The following CEP104 variants were observed in gnomAD, a reference collection of about 807,000 sequenced individuals.
The protein encoded by CEP104 is centrosomal protein of 104 kDa.
CEP104 carries 84 observed loss-of-function variants against 113.3 expected under a neutral mutation model. That is an observed-to-expected ratio of 0.74 (90% confidence interval 0.62 to 0.89). The LOEUF (loss-of-function observed/expected upper bound fraction) is 0.89, where lower values mean the gene tolerates loss of function less well. Ranked by LOEUF, CEP104 falls within the 40% of genes least tolerant of loss-of-function variation. CEP104 has a pLI of 0.00. For missense variants in CEP104, 1,053 were observed against 1,156.6 expected (o/e 0.91, Z 1.30); for synonymous variants, 378 against 421.7 (o/e 0.90, Z 1.27).
rs555321293 is a variant in CEP104, at chr1:3,814,643, C to A, written c.*759G>T. ...AGTGAAGCGCCTCTGAGCAAAGGCA[C>A]GGGAAGGGCCCACACCTGTGTCTAC... On this transcript the variant is annotated 3_prime_UTR_variant, in exon 22 of 22. Transcript: ENST00000378230. 1 of 152,194 alleles carries A rather than the reference C, an allele frequency of 6.6e-6. No individual in the cohort carries two copies. Among genetic ancestry groups the A allele is most frequent in the Non-Finnish European group, 1.5e-5 (1 of 68,044 alleles). 9.4% of individuals were successfully genotyped at this position (152,194 alleles called of 1,614,324 possible).
chr1:3,817,354 C>T (rs954454630), intron 20 of CEP104, among the ~76,000 whole-genome samples: 3 of 152,222 alleles, frequency 2.0e-5, no homozygotes, highest in South Asian at 2.1e-4. Context: ...AAACAAACAA[C>T]GCTTCCCAGG....
chr1:3,813,175 GA>G lies in CEP104; in HGVS notation c.*2226del, dbSNP rs1167723126. 2.0e-5 allele frequency: 3 copies of G among 151,650 alleles called. No homozygotes were observed. In the East Asian group the frequency reaches 5.8e-4, roughly 29 times the overall value. The allele number at this position is 151,650 out of a possible 1,614,324, so 9.4% of individuals were successfully genotyped here. A position where few individuals can be genotyped will look rare whatever the true frequency, so the allele number is the denominator to read the frequency against. On this transcript the variant is annotated 3_prime_UTR_variant, in exon 22 of 22. Transcript: ENST00000378230. Reference sequence around the variant, plus strand: ...AATGGCCAACATCTCTTTAAAACCAGAAAAAATCATTTTACAGACATCTTGG... The same window carrying G: ...AATGGCCAACATCTCTTTAAAACCAGAAAAATCATTTTACAGACATCTTGG...
chr1:3,817,485 G>A (rs1557656356), intron 20 of CEP104, among the ~76,000 whole-genome samples: 1 of 151,964 alleles, frequency 6.6e-6, no homozygotes, highest in Non-Finnish European at 1.5e-5. Flanking sequence ...GGCCACCTGC[G>A]GCAGCCCTCA....
chr1:3,815,871 A>G (rs1474610218), intron 21 of CEP104, among the ~76,000 whole-genome samples: 1 of 152,054 alleles, frequency 6.6e-6, no homozygotes, highest in East Asian at 1.9e-4. Flanking sequence ...ATAGGGTTTC[A>G]CCATGTTGGC....
intron 12 of CEP104, among the ~76,000 whole-genome samples, chr1:3,832,987 C>CTTTGATTCT (rs1644245491): frequency 7.1e-6 from 1 of 140,242 alleles, no homozygotes; most frequent in African/African-American, 2.6e-5. Context: ...GGCCTGGATT[C>CTTTGATTCT]TTTTTTTTTT....
At chr1:3,855,923 G>A (rs562334833) in intron 1 of CEP104, 4 of 985,364 alleles carry the variant, frequency 4.1e-6, no homozygotes, top group East Asian at 1.1e-4. Context: ...TCGACATCCC[G>A]ACAAATGCCA....
intron 2 of CEP104, among the ~76,000 whole-genome samples, chr1:3,850,043 G>A (rs903829160): frequency 3.9e-5 from 6 of 152,206 alleles, no homozygotes; most frequent in Non-Finnish European, 1.5e-5. Context: ...GTACAGGTTT[G>A]CAGCCCAGGA....
intron 20 of CEP104, among the ~76,000 whole-genome samples, chr1:3,818,375 C>T (rs1643911985): frequency 6.6e-6 from 1 of 152,250 alleles, no homozygotes; most frequent in South Asian, 2.1e-4. Context: ...TCCACAGCTC[C>T]AGGCTAAGCT....
intron 6 of CEP104, among the ~76,000 whole-genome samples, chr1:3,841,485 C>T (rs568980096): frequency 6.6e-6 from 1 of 152,222 alleles, no homozygotes; most frequent in African/African-American, 2.4e-5. Flanking sequence ...AGTCACGTTG[C>T]CTTGCTGTCC....
At position 3,831,136 on chromosome 1, in the gene CEP104, GT is replaced by G. The variant is rs1211389550; in HGVS notation, c.1745del (p.His582ProfsTer4). On this transcript the variant is annotated frameshift_variant, in exon 13 of 22. Transcript: ENST00000378230. LOFTEE classifies it high-confidence loss of function. ...VQPLKANSSV[H>X]LAMSQMGLLA... is the part of the protein sequence containing the mutation. ...GGAGGCCCATCTGACTCATTGCCAG[GT>G]GAACTGAAGAGTTTGCTTTCAATGG... 9.3e-6 allele frequency: 15 copies of G among 1,614,234 alleles called. No individual in the cohort carries two copies. The highest frequency in any genetic ancestry group is 1.2e-5 in the Non-Finnish European group (14 of 1,180,026).
chr1:3,837,486 G>A lies in CEP104; in HGVS notation c.925C>T (p.Leu309Phe). 6.2e-7 allele frequency: 1 copy of A among 1,614,252 alleles called. No individual in the cohort carries two copies. The highest frequency in any genetic ancestry group is 8.5e-7 in the Non-Finnish European group (1 of 1,180,050). ...TGGCAAGGACTGCCAGAACGAGCGAGGGGCTGGAGGGGCAAATCAAAAGGT... is the reference window on the plus strand; with the variant it reads ...TGGCAAGGACTGCCAGAACGAGCGAAGGGCTGGAGGGGCAAATCAAAAGGT... ...RRPFDLPLQP[L>F]ARSGSPCHQK... Residue 309 changes from leucine to phenylalanine, a missense_variant, in exon 9 of 22, where the codon CTC becomes TTC. Coordinates refer to ENST00000378230, the MANE Select transcript of CEP104 (RefSeq NM_014704.4).
Position 3,823,617 on chromosome 1 carries a change from C to T in CEP104, c.2365-55G>A, listed in dbSNP as rs1296816812. 1.9e-5 allele frequency: 30 copies of T among 1,610,984 alleles called. No individual in the cohort carries two copies. In the East Asian group the frequency reaches 6.5e-4, roughly 35 times the overall value. ...TTGCTGAGAAAGCGGCAGCGCCCTC[C>T]AGCCAGCCTGCAGAGCCTGTGAGCG... is the stretch of plus-strand genomic sequence containing the variant. On this transcript the variant is annotated intron_variant, in intron 18 of 21. Transcript: ENST00000378230. This position sits in a 1 kb window ranked among gnomAD's most constrained non-coding sequence, Gnocchi z 4.1.
chr1:3,818,327 C>T (rs1643911288), intron 20 of CEP104, among the ~76,000 whole-genome samples: 1 of 152,246 alleles, frequency 6.6e-6, no homozygotes, highest in Non-Finnish European at 1.5e-5. Context: ...CCTGCAGCCA[C>T]CTGTCTACCG....
chr1:3,834,323 A>C (rs1644271362), intron 11 of CEP104, among the ~76,000 whole-genome samples: 1 of 151,198 alleles, frequency 6.6e-6, no homozygotes, highest in African/African-American at 2.4e-5. Flanking sequence ...CTTCATACCG[A>C]GTATCTAACA....
At position 3,823,613 on chromosome 1, in the gene CEP104, C is replaced by T; in HGVS notation, c.2365-51G>A. ...CATGTTGCTGAGAAAGCGGCAGCGC[C>T]CTCCAGCCAGCCTGCAGAGCCTGTG... On this transcript the variant is annotated intron_variant, in intron 18 of 21. Coordinates refer to ENST00000378230, the MANE Select transcript of CEP104 (RefSeq NM_014704.4). This position sits in a 1 kb window ranked among gnomAD's most constrained non-coding sequence, Gnocchi z 4.1. 1 of 1,611,938 alleles carries T rather than the reference C, an allele frequency of 6.2e-7. No homozygotes were observed. Among genetic ancestry groups the T allele is most frequent in the South Asian group, 1.1e-5 (1 of 90,984 alleles).
intron 6 of CEP104, among the ~76,000 whole-genome samples, chr1:3,840,175 T>C (rs1414624645): frequency 6.6e-6 from 1 of 152,106 alleles, no homozygotes; most frequent in East Asian, 1.9e-4. Context: ...CCCTAAGAAA[T>C]GTGACCAGTG....
rs559300579 is a variant in CEP104 at position 3,842,989 on chromosome 1, T to C, written c.566+1918A>G. 3 of 402,806 alleles carry C rather than the reference T, an allele frequency of 7.4e-6. No individual in the cohort carries two copies. The Admixed American group carries it at 1.3e-4, about 18-fold the overall frequency. 25.0% of individuals were successfully genotyped at this position (402,806 alleles called of 1,614,324 possible). ...TTTTATTAGAGAAGGAGTTTTACCA[T>C]GCTGGCCAGGCTGGTCTTGAATTCC... On this transcript the variant is annotated intron_variant, in intron 6 of 21. Coordinates refer to ENST00000378230, the MANE Select transcript of CEP104 (RefSeq NM_014704.4).
At chr1:3,837,583 T>G in intron 8 of CEP104, 64 bp from the exon 9 acceptor site, 1 of 1,332,732 alleles carries the variant, frequency 7.5e-7, no homozygotes, top group Non-Finnish European at 1.1e-6. Context: ...ATCTATCTCA[T>G]TCCTTCAGAT....
rs1445561823 is a variant in CEP104 at position 3,814,349 on chromosome 1, A to C, written c.*1053T>G. The C allele has an allele frequency of 6.6e-6, 1 of 152,226 alleles. No homozygotes were observed. Among genetic ancestry groups the C allele is most frequent in the Non-Finnish European group, 1.5e-5 (1 of 68,042 alleles). 9.4% of individuals were successfully genotyped at this position (152,226 alleles called of 1,614,324 possible). A position where few individuals can be genotyped will look rare whatever the true frequency, so the allele number is the denominator to read the frequency against. On this transcript the variant is annotated 3_prime_UTR_variant, in exon 22 of 22. Coordinates refer to ENST00000378230, the MANE Select transcript of CEP104 (RefSeq NM_014704.4). ...AACCAAAGCTATGGACAAAACCCCC[A>C]GCTCACTCCCACAGGAGGGGATGGC...
Sources: gnomAD v4.1 joint callset for allele counts (sites outside exome capture counted in the v4.1 genomes callset) on GRCh38, gnomAD v4.1.1 for gene constraint, Gnocchi (gnomAD v3.1) non-coding constraint, MANE v1.5 for transcripts, NCBI Gene and HGNC (gene_info 2026-07-23, HGNC 2026-07-21) for gene names.